RPA3: variants seen among roughly 807,000 people sequenced by gnomAD.
RPA3 encodes the protein replication protein A3.
A neutral mutation model predicts 13.7 loss-of-function variants in RPA3; 24 were observed. That is an observed-to-expected ratio of 1.75 (90% CI 1.27 to 2.46). The LOEUF (loss-of-function observed/expected upper bound fraction) is 2.46, where lower values mean the gene tolerates loss of function less well. Among genes scored for constraint, RPA3 ranks in the 30% most tolerant of loss-of-function variants. The pLI is 0.00. For missense variants in RPA3, 183 were observed against 151.0 expected (o/e 1.21, Z -1.11); for synonymous variants, 59 against 51.2 (o/e 1.15, Z -0.65).
At chr7:7,674,491 C>T (rs755733064) in intron 4 of RPA3, among the ~76,000 whole-genome samples, 1 of 152,164 alleles carries the variant, frequency 6.6e-6, no homozygotes, top group Non-Finnish European at 1.5e-5. Context: ...TTTTTGAGAA[C>T]CTGTCTTGTA....
At chr7:7,699,277 A>G (rs1053072056) in intron 2 of RPA3, among the ~76,000 whole-genome samples, 1 of 152,090 alleles carries the variant, frequency 6.6e-6, no homozygotes, top group African/African-American at 2.4e-5. Flanking sequence ...AACAGATTTA[A>G]TTTTTAGTTT....
At chr7:7,679,711 AAT>A (rs372324513) in intron 4 of RPA3, among the ~76,000 whole-genome samples, 8,830 of 128,316 alleles carry the variant, frequency 0.069, 1,278 homozygotes, top group African/African-American at 0.25. Flanking sequence ...TTTATAGATA[AAT>A]ATATATATAT....
intron 2 of RPA3, among the ~76,000 whole-genome samples, chr7:7,712,023 C>T (rs555549486): frequency 4.6e-5 from 7 of 152,122 alleles, no homozygotes; most frequent in African/African-American, 9.6e-5. Flanking sequence ...CTTTTCTTCA[C>T]GTATCTTCCA....
chr7:7,688,096 C>T (rs932611531), intron 2 of RPA3, among the ~76,000 whole-genome samples: 1 of 152,144 alleles, frequency 6.6e-6, no homozygotes. Context: ...ATGCAGTGGT[C>T]TGGAAACTTC....
At chr7:7,677,414 C>T (rs1420620310) in intron 4 of RPA3, among the ~76,000 whole-genome samples, 1 of 152,058 alleles carries the variant, frequency 6.6e-6, no homozygotes, top group Admixed American at 6.5e-5. Context: ...TGCTACCCTT[C>T]CTTGCCTTTG....
At chr7:7,676,894 T>A (rs899228564) in intron 4 of RPA3, among the ~76,000 whole-genome samples, 3 of 152,106 alleles carry the variant, frequency 2.0e-5, no homozygotes, top group Non-Finnish European at 4.4e-5. Flanking sequence ...AGGTAAACTC[T>A]TTTTTAAAAA....
intron 4 of RPA3, among the ~76,000 whole-genome samples, chr7:7,676,359 C>G (rs1027049953): frequency 6.6e-6 from 1 of 152,168 alleles, no homozygotes; most frequent in Non-Finnish European, 1.5e-5. Flanking sequence ...TATTATATCA[C>G]CATACACAGG....
At chr7:7,701,568 T>C (rs1419787154) in intron 2 of RPA3, among the ~76,000 whole-genome samples, 1 of 152,176 alleles carries the variant, frequency 6.6e-6, no homozygotes, top group African/African-American at 2.4e-5. Flanking sequence ...AACCTTCCCC[T>C]CTATTTAAAT....
intron 4 of RPA3, among the ~76,000 whole-genome samples, chr7:7,650,943 T>G (rs1359138273): frequency 6.6e-6 from 1 of 152,216 alleles, no homozygotes; most frequent in South Asian, 2.1e-4. Context: ...ATAGTCAGAT[T>G]TGTTGTACTC....
intron 4 of RPA3, among the ~76,000 whole-genome samples, chr7:7,681,208 GTTGT>G (rs1265554216): frequency 6.6e-6 from 1 of 152,112 alleles, no homozygotes; most frequent in African/African-American, 2.4e-5. Flanking sequence ...AGTAAATTAT[GTTGT>G]TTAAGCTATA....
At position 7,713,061 on chromosome 7, in the gene RPA3, G is replaced by A. The variant is rs139547859; in HGVS notation, c.-1028+2114C>T. Among the ~76,000 whole-genome samples, 294 of 152,036 alleles carry A rather than the reference G, an allele frequency of 1.9e-3. 3 individuals carry two copies. The highest frequency in any genetic ancestry group is 6.8e-3 in the African/African-American group (281 of 41,440). ...CTCATTCAAAAAATATTCTAGGGCC[G>A]CGCGCGGTGGCTCACACCTATAATC... On this transcript the variant is annotated intron_variant, in intron 2 of 7. Coordinates refer to ENST00000223129, the MANE Select transcript of RPA3 (RefSeq NM_002947.5).
chr7:7,697,475 A>T (rs1449894710), intron 2 of RPA3, among the ~76,000 whole-genome samples: 1 of 152,212 alleles, frequency 6.6e-6, no homozygotes, highest in East Asian at 1.9e-4. Context: ...ACTTTAAAAA[A>T]TGGCTAATGT....
At chr7:7,657,175 T>G (rs575459074) in intron 4 of RPA3, among the ~76,000 whole-genome samples, 1 of 152,344 alleles carries the variant, frequency 6.6e-6, no homozygotes, top group East Asian at 1.9e-4. Flanking sequence ...TTTTTTCTTG[T>G]AAATTTGTTT....
At chr7:7,660,923 C>G (rs561846400) in intron 4 of RPA3, among the ~76,000 whole-genome samples, 1 of 152,342 alleles carries the variant, frequency 6.6e-6, no homozygotes, top group African/African-American at 2.4e-5. Flanking sequence ...TTCTCCCTGT[C>G]ACTTTCGGGT....
intron 2 of RPA3, among the ~76,000 whole-genome samples, chr7:7,707,822 A>G (rs149118032): frequency 2.0e-3 from 305 of 152,286 alleles, no homozygotes; most frequent in African/African-American, 7.0e-3. Flanking sequence ...TTCTAAGGAA[A>G]CTGGTTTGCC....
chr7:7,639,165 T>C (rs1784912267), intron 5 of RPA3, 21 bp from the exon 6 acceptor site: 2 of 1,587,646 alleles, frequency 1.3e-6, no homozygotes, highest in African/African-American at 2.7e-5. Flanking sequence ...AACATATAAT[T>C]AAAATCTCAC....
At chr7:7,693,736 G>A (rs192825179) in intron 2 of RPA3, among the ~76,000 whole-genome samples, 70 of 151,970 alleles carry the variant, frequency 4.6e-4, no homozygotes, top group African/African-American at 1.5e-3. Flanking sequence ...TTATATGAAC[G>A]TGAAGTTTTA....
chr7:7,646,550 G>A (rs1014840995), intron 4 of RPA3, among the ~76,000 whole-genome samples: 13 of 135,198 alleles, frequency 9.6e-5, no homozygotes, highest in East Asian at 2.1e-4. Flanking sequence ...TTTGCTTTCC[G>A]CCATGATTGT....
Position 7,679,374 on chromosome 7 carries a change from AT to A in RPA3, c.-758+6455del, listed in dbSNP as rs1490101485. ...TATTTATATATTTAGTTTATAGATA[AT>A]ATATATTTATATATTTAATTTATAG... On this transcript the variant is annotated intron_variant, in intron 4 of 7. Transcript: ENST00000223129. 1.3e-3 allele frequency among the ~76,000 whole-genome samples: 13 copies of A among 10,192 alleles called. 6 individuals are homozygous for A. The highest frequency in any genetic ancestry group is 1.7e-3 in the Non-Finnish European group (13 of 7,522). The allele number at this position is 10,192 out of a possible 152,430, so 6.7% of individuals were successfully genotyped here.
Sources: allele counts gnomAD v4.1 joint callset (sites outside exome capture counted in the v4.1 genomes callset), GRCh38; gene constraint gnomAD v4.1.1; transcripts MANE v1.5; gene names NCBI Gene and HGNC (gene_info 2026-07-23, HGNC 2026-07-21).